Variants in LRP1B observed in about 807,000 individuals in gnomAD.
LRP1B encodes the protein low-density lipoprotein receptor-related protein 1B.
In LRP1B, 217 loss-of-function variants were observed where a neutral mutation model predicts 556.6. The observed-to-expected ratio is 0.39, with a 90% CI of 0.35 to 0.44. The LOEUF is 0.44. Among genes scored for constraint, LRP1B ranks in the 20% least tolerant of loss-of-function variants. The pLI, the probability that LRP1B is intolerant of heterozygous loss-of-function variation, is 1.00. For synonymous variants in LRP1B, 2,047 were observed against 1,865.8 expected (o/e 1.10, Z -2.50); for missense variants, 5,053 against 5,620.8 (o/e 0.90, Z 3.23).
chr2:140,989,450 G>T (rs1697022613), intron 17 of LRP1B, 82 bp downstream of exon 17: 2 of 1,502,434 alleles, frequency 1.3e-6, no homozygotes, highest in Non-Finnish European at 9.1e-7. Context: ...GGAAAGTTCA[G>T]CTTAGTTCAA....
chr2:141,678,819 A>G (rs1443551409), intron 2 of LRP1B, among the ~76,000 whole-genome samples: 1 of 152,174 alleles, frequency 6.6e-6, no homozygotes, highest in Non-Finnish European at 1.5e-5. Flanking sequence ...ACAATGAAAT[A>G]CATTGGTAGG....
chr2:140,288,949 A>T (rs1235394130), intron 84 of LRP1B, among the ~76,000 whole-genome samples: 2 of 151,928 alleles, frequency 1.3e-5, no homozygotes, highest in African/African-American at 2.4e-5. Flanking sequence ...AAAGTAGAAG[A>T]TTAAACCACC....
At chr2:141,179,779 A>G (rs759404364) in intron 7 of LRP1B, among the ~76,000 whole-genome samples, 10 of 151,762 alleles carry the variant, frequency 6.6e-5, no homozygotes, top group South Asian at 2.1e-4. Flanking sequence ...AAGTCAAACC[A>G]CTAAGAGTCT....
At chr2:141,611,816 G>A (rs904852372) in intron 2 of LRP1B, among the ~76,000 whole-genome samples, 7 of 152,172 alleles carry the variant, frequency 4.6e-5, no homozygotes, top group Admixed American at 4.6e-4. Context: ...TAATGACCTC[G>A]AAATGAAAAG....
chr2:140,600,766 G>GTTTTTTTTTTTTT (rs1558996101), intron 42 of LRP1B, among the ~76,000 whole-genome samples: 7 of 46,174 alleles, frequency 1.5e-4, no homozygotes, highest in African/African-American at 4.9e-4. Flanking sequence ...TGTTCTTCGG[G>GTTTTTTTTTTTTT]GTTTTTTTTT....
chr2:141,379,314 G>A (rs1177995201), intron 3 of LRP1B, among the ~76,000 whole-genome samples: 2 of 152,132 alleles, frequency 1.3e-5, no homozygotes, highest in East Asian at 3.9e-4. Context: ...ATAGACAAAG[G>A]CTAAGTTTAT....
intron 2 of LRP1B, among the ~76,000 whole-genome samples, chr2:141,538,124 G>T (rs16846430): frequency 0.033 from 5,083 of 152,086 alleles, 310 homozygotes; most frequent in African/African-American, 0.11. Flanking sequence ...GCATATATGC[G>T]TACATTCATA....
chr2:140,666,636 A>C (rs1685285591), intron 41 of LRP1B, among the ~76,000 whole-genome samples: 1 of 152,220 alleles, frequency 6.6e-6, no homozygotes, highest in African/African-American at 2.4e-5. Flanking sequence ...TGATGTAATC[A>C]AGAAACTAAC....
chr2:141,858,477 A>G (rs1698135761), intron 1 of LRP1B, among the ~76,000 whole-genome samples: 1 of 152,236 alleles, frequency 6.6e-6, no homozygotes, highest in Non-Finnish European at 1.5e-5. Flanking sequence ...GTTTAGATAC[A>G]TAAAAATAGA....
chr2:141,540,047 G>T (rs1685201528), intron 2 of LRP1B, among the ~76,000 whole-genome samples: 1 of 152,070 alleles, frequency 6.6e-6, no homozygotes, highest in Non-Finnish European at 1.5e-5. Flanking sequence ...GAACTAAGCT[G>T]CTCAAGTCAT....
intron 2 of LRP1B, among the ~76,000 whole-genome samples, chr2:141,507,517 A>G (rs1233874690): frequency 6.6e-6 from 1 of 152,116 alleles, no homozygotes; most frequent in Non-Finnish European, 1.5e-5. Context: ...TAAATGCTAG[A>G]TTTTTGCTTT....
chr2:141,066,292 C>A (rs1469353133), intron 7 of LRP1B, among the ~76,000 whole-genome samples: 1 of 151,894 alleles, frequency 6.6e-6, no homozygotes, highest in Non-Finnish European at 1.5e-5. Context: ...TGTCTGACAT[C>A]TTTGTGATTA....
intron 18 of LRP1B, among the ~76,000 whole-genome samples, chr2:140,961,517 A>G (rs1252001423): frequency 6.6e-6 from 1 of 152,098 alleles, no homozygotes; most frequent in Non-Finnish European, 1.5e-5. Context: ...TTAAAAAGAA[A>G]GAGTTACTAA....
chr2:141,350,441 A>G (rs1003311569), intron 3 of LRP1B, among the ~76,000 whole-genome samples: 1 of 152,068 alleles, frequency 6.6e-6, no homozygotes, highest in Non-Finnish European at 1.5e-5. Context: ...GGCCTATTCC[A>G]AAACTTGCCA....
chr2:142,122,705 C>A (rs1707499812), intron 1 of LRP1B, among the ~76,000 whole-genome samples: 2 of 151,994 alleles, frequency 1.3e-5, no homozygotes, highest in African/African-American at 4.8e-5. Context: ...AGTGCTTTCA[C>A]CTGATGAGGC....
intron 2 of LRP1B, among the ~76,000 whole-genome samples, chr2:141,717,512 C>T (rs1692650989): frequency 6.6e-6 from 1 of 152,292 alleles, no homozygotes; most frequent in South Asian, 2.1e-4. Context: ...CAATATAACT[C>T]AATGCATCTT....
At chr2:140,823,846 A>G (rs983784552) in intron 31 of LRP1B, among the ~76,000 whole-genome samples, 1 of 152,152 alleles carries the variant, frequency 6.6e-6, no homozygotes, top group African/African-American at 2.4e-5. Flanking sequence ...AGAAAACCAA[A>G]TAACACATGT....
intron 7 of LRP1B, among the ~76,000 whole-genome samples, chr2:141,070,820 C>T (rs1405237534): frequency 6.6e-6 from 1 of 152,058 alleles, no homozygotes; most frequent in African/African-American, 2.4e-5. Context: ...AGTTGAATCT[C>T]TGAATAGACC....
intron 6 of LRP1B, among the ~76,000 whole-genome samples, chr2:141,211,246 C>G (rs999326759): frequency 3.3e-5 from 5 of 151,628 alleles, no homozygotes; most frequent in Admixed American, 6.6e-5. Context: ...CCTCAGCCTC[C>G]CAGAGTGCTG....
Sources: gnomAD v4.1 joint callset for allele counts (sites outside exome capture counted in the v4.1 genomes callset) on GRCh38, gnomAD v4.1.1 for gene constraint, MANE v1.5 for transcripts, NCBI Gene and HGNC (gene_info 2026-07-23, HGNC 2026-07-21) for gene names.